GNAQ: variants seen among roughly 807,000 people sequenced by gnomAD.
GNAQ encodes guanine nucleotide-binding protein G(q) subunit alpha.
In GNAQ, 8 loss-of-function variants were observed where a neutral mutation model predicts 43.9. The ratio of observed to expected loss-of-function variants is 0.18; its 90% CI spans 0.11 to 0.33. The LOEUF (loss-of-function observed/expected upper bound fraction) is 0.33. Ranked by LOEUF, GNAQ falls within the 10% of genes least tolerant of loss-of-function variation. The pLI is 1.00. For missense variants in GNAQ, 158 were observed against 450.8 expected (o/e 0.35, Z 5.88); for synonymous variants, 155 against 170.7 (o/e 0.91, Z 0.71).
At chr9:77,794,895 C>T (rs892500220) in intron 4 of GNAQ, among the ~76,000 whole-genome samples, 3 of 152,094 alleles carry the variant, frequency 2.0e-5, no homozygotes, top group Admixed American at 2.0e-4. Context: ...TTTAATGAAG[C>T]GCTGAAGAGT....
chr9:77,817,408 G>A (rs1827036228), intron 2 of GNAQ, among the ~76,000 whole-genome samples: 1 of 150,162 alleles, frequency 6.7e-6, no homozygotes. Context: ...AAGGAACAAA[G>A]GAAAGAAGGA....
At chr9:77,934,498 T>C (rs1829203651) in intron 1 of GNAQ, among the ~76,000 whole-genome samples, 2 of 152,010 alleles carry the variant, frequency 1.3e-5, no homozygotes, top group South Asian at 4.1e-4. Flanking sequence ...GTAGGGGAAT[T>C]AAGGTGCTAG....
chr9:77,752,681 C>T (rs1169347362), intron 5 of GNAQ, among the ~76,000 whole-genome samples: 1 of 152,198 alleles, frequency 6.6e-6, no homozygotes, highest in Non-Finnish European at 1.5e-5. Flanking sequence ...TCTGTTATTA[C>T]ACCTCAACAC....
intron 6 of GNAQ, among the ~76,000 whole-genome samples, chr9:77,726,791 A>C (rs1055670034): frequency 2.0e-5 from 3 of 152,216 alleles, no homozygotes; most frequent in Non-Finnish European, 4.4e-5. Context: ...TAGCTAAATA[A>C]ATTTGTCTGA....
At chr9:77,984,561 G>A (rs1176738527) in intron 1 of GNAQ, among the ~76,000 whole-genome samples, 4 of 152,082 alleles carry the variant, frequency 2.6e-5, no homozygotes, top group Admixed American at 1.3e-4. Flanking sequence ...GTATGAATTC[G>A]CATAATTTTT....
intron 2 of GNAQ, 51 bp downstream of exon 2, chr9:77,922,110 G>T: frequency 7.7e-7 from 1 of 1,298,852 alleles, no homozygotes; most frequent in Non-Finnish European, 1.1e-6. Flanking sequence ...TCACATTATT[G>T]TGAACACCTG....
At chr9:77,894,188 T>TA (rs1415204822) in intron 2 of GNAQ, among the ~76,000 whole-genome samples, 2 of 151,304 alleles carry the variant, frequency 1.3e-5, no homozygotes, top group Non-Finnish European at 2.9e-5. Context: ...ATTTCTCTGT[T>TA]ATCTGTACTA....
intron 5 of GNAQ, among the ~76,000 whole-genome samples, chr9:77,757,967 G>A (rs1436294544): frequency 1.3e-5 from 2 of 152,088 alleles, no homozygotes; most frequent in African/African-American, 2.4e-5. Flanking sequence ...ATGCTCCTAC[G>A]AGCAAAAAGA....
chr9:77,757,136 A>G (rs1024649310), intron 5 of GNAQ, among the ~76,000 whole-genome samples: 1 of 152,218 alleles, frequency 6.6e-6, no homozygotes, highest in Admixed American at 6.5e-5. Context: ...TTATGAAATT[A>G]TTCCTGTGAA....
rs1346078036 is a variant in GNAQ, at chr9:77,971,323, C to CA, written c.137-48979dup. Among the ~76,000 whole-genome samples, 4 of 151,960 alleles carry CA rather than the reference C, an allele frequency of 2.6e-5. No homozygotes were observed. In the East Asian group the frequency reaches 5.8e-4, roughly 22 times the overall value. The stretch of plus-strand genomic sequence containing the variant: ...ACACCAAAGCCTAGCAGAGACACAA[C>CA]AAAAAAAGAGAATTTTAGGCCAATA... On this transcript the variant is annotated intron_variant, in intron 1 of 6. Coordinates refer to ENST00000286548, the MANE Select transcript of GNAQ (RefSeq NM_002072.5).
intron 5 of GNAQ, among the ~76,000 whole-genome samples, chr9:77,748,873 C>T (rs764888850): frequency 2.6e-5 from 4 of 152,148 alleles, no homozygotes; most frequent in East Asian, 3.9e-4. Context: ...GATGTTGTAT[C>T]GGACTGGTCC....
chr9:77,915,748 C>T (rs1415121155), intron 2 of GNAQ, among the ~76,000 whole-genome samples: 2 of 152,156 alleles, frequency 1.3e-5, no homozygotes, highest in Non-Finnish European at 2.9e-5. Flanking sequence ...TCACTAACCC[C>T]TTTACTTCTT....
intron 2 of GNAQ, among the ~76,000 whole-genome samples, chr9:77,912,514 C>CA (rs1356256888): frequency 6.6e-6 from 1 of 151,898 alleles, no homozygotes; most frequent in Non-Finnish European, 1.5e-5. Flanking sequence ...TAAAAGGACA[C>CA]AAAAAAGCAA....
intron 1 of GNAQ, among the ~76,000 whole-genome samples, chr9:77,938,069 T>C (rs995842114): frequency 6.6e-6 from 1 of 152,030 alleles, no homozygotes; most frequent in Non-Finnish European, 1.5e-5. Flanking sequence ...GCCCCATATA[T>C]AAAATGGTAT....
rs192268118 is a variant in GNAQ, at chr9:77,965,269, C to T, written c.137-42924G>A. 2.8e-3 allele frequency among the ~76,000 whole-genome samples: 432 copies of T among 152,210 alleles called. 8 individuals carry two copies. The highest frequency in any genetic ancestry group is 0.026 in the Admixed American group (403 of 15,280). ...CCCACAGAATCCTCACGAATCAACCCTGTCCCCTCACCCTCAAAAACCATT... is the reference window on the plus strand; with the variant it reads ...CCCACAGAATCCTCACGAATCAACCTTGTCCCCTCACCCTCAAAAACCATT... On this transcript the variant is annotated intron_variant, in intron 1 of 6. Transcript: ENST00000286548.
intron 2 of GNAQ, among the ~76,000 whole-genome samples, chr9:77,856,676 C>T (rs990099251): frequency 1.4e-4 from 22 of 152,098 alleles, no homozygotes; most frequent in African/African-American, 5.3e-4. Flanking sequence ...TTTAAGGAAA[C>T]TTCTTTGTAA....
chr9:77,809,369 T>C (rs1826878559), intron 3 of GNAQ, among the ~76,000 whole-genome samples: 3 of 152,196 alleles, frequency 2.0e-5, no homozygotes, highest in South Asian at 4.1e-4. Context: ...GCCAATGTGA[T>C]TGAGACTTGT....
At chr9:77,936,313 C>A (rs532222519) in intron 1 of GNAQ, among the ~76,000 whole-genome samples, 1 of 152,260 alleles carries the variant, frequency 6.6e-6, no homozygotes, top group South Asian at 2.1e-4. Context: ...TTGGTTTAGG[C>A]CTCATGACCC....
intron 1 of GNAQ, among the ~76,000 whole-genome samples, chr9:78,017,439 GA>G (rs538742079): frequency 1.1e-3 from 174 of 152,204 alleles, no homozygotes; most frequent in African/African-American, 4.1e-3. Context: ...ATTACTGAAT[GA>G]AAAAAATCCA....
Sources: allele counts gnomAD v4.1 joint callset (sites outside exome capture counted in the v4.1 genomes callset), GRCh38; gene constraint gnomAD v4.1.1; transcripts MANE v1.5; gene names NCBI Gene and HGNC (gene_info 2026-07-23, HGNC 2026-07-21).